The following FAR2 variants were observed in gnomAD, a reference collection of about 807,000 sequenced individuals.
The protein encoded by FAR2 is fatty acyl-CoA reductase 2, also known as epididymis secretory protein Li 81.
FAR2 carries 19 observed loss-of-function variants against 56.0 expected under a neutral mutation model. That is an observed-to-expected ratio of 0.34 (90% CI 0.24 to 0.50). The LOEUF (loss-of-function observed/expected upper bound fraction) is 0.50. Ranked by LOEUF, FAR2 falls within the 20% of genes least tolerant of loss-of-function variation. The probability of loss-of-function intolerance (pLI) is 0.98; values close to 1 mark genes in which losing one functional copy is unlikely to be tolerated. For missense variants in FAR2, 508 were observed against 642.2 expected (o/e 0.79, Z 2.26); for synonymous variants, 219 against 218.8 (o/e 1.00, Z -0.01).
chr12:29,294,504 C>T (rs1009045080), intron 3 of FAR2, among the ~76,000 whole-genome samples: 9 of 152,070 alleles, frequency 5.9e-5, no homozygotes, highest in South Asian at 2.1e-4. Context: ...CCTGCCACCA[C>T]GCTCGGCTAA....
chr12:29,159,852 A>G (rs914514128), intron 1 of FAR2, among the ~76,000 whole-genome samples: 1 of 152,190 alleles, frequency 6.6e-6, no homozygotes, highest in African/African-American at 2.4e-5. Flanking sequence ...AAAATAACCA[A>G]TGTGAAGAAG....
intron 1 of FAR2, among the ~76,000 whole-genome samples, chr12:29,207,069 G>A (rs1947484720): frequency 6.6e-6 from 1 of 152,026 alleles, no homozygotes; most frequent in Admixed American, 6.6e-5. Flanking sequence ...AAGAGAGAAG[G>A]CAGAAAAGTC....
At chr12:29,174,423 CTTTTTTTT>C (rs55827253) in intron 1 of FAR2, among the ~76,000 whole-genome samples, 8 of 55,436 alleles carry the variant, frequency 1.4e-4, no homozygotes, top group East Asian at 1.4e-3. Context: ...GGTTTTTATT[CTTTTTTTT>C]TTTTTTTTTT....
chr12:29,229,708 G>A (rs553072540), intron 1 of FAR2, among the ~76,000 whole-genome samples: 1 of 152,158 alleles, frequency 6.6e-6, no homozygotes, highest in Admixed American at 6.6e-5. Context: ...TTAAAGTCCA[G>A]TAAGAGAATA....
chr12:29,297,581 T>G (rs1949092131), intron 4 of FAR2, among the ~76,000 whole-genome samples: 1 of 152,176 alleles, frequency 6.6e-6, no homozygotes. Context: ...TTGGCATAGC[T>G]CCACCAGTAA....
chr12:29,248,188 T>C (rs1049778531), intron 1 of FAR2, among the ~76,000 whole-genome samples: 3 of 152,232 alleles, frequency 2.0e-5, no homozygotes, highest in African/African-American at 4.8e-5. Context: ...TTTGCTACTA[T>C]CATTAGAAAT....
In FAR2 at chr12:29,327,793, T is replaced by A. The variant is rs537551495; in HGVS notation, c.1258-4807T>A. On this transcript the variant is annotated intron_variant, in intron 10 of 11. Transcript: ENST00000536681. ...GACTTACACGTTAGACCTAAAACCA[T>A]AAAAACCCTAGAAGAAAACCTAGGC... Among the ~76,000 whole-genome samples, 155 of 152,178 alleles carry A rather than the reference T, an allele frequency of 1.0e-3. 3 individuals carry two copies. The highest frequency in any genetic ancestry group is 3.6e-3 in the African/African-American group (148 of 41,502).
intron 1 of FAR2, among the ~76,000 whole-genome samples, chr12:29,164,471 C>T (rs987220170): frequency 3.3e-5 from 5 of 152,214 alleles, no homozygotes; most frequent in African/African-American, 1.2e-4. Flanking sequence ...CCTAGCCCAA[C>T]TCTTGGTACC....
At position 29,293,356 on chromosome 12, in the gene FAR2, T is replaced by C. The variant is rs1447565937; in HGVS notation, c.246T>C (p.Ile82=). The change falls in exon 3 of 12, where the codon ATT becomes ATC. Residue 82 remains isoleucine, a synonymous_variant. Transcript: ENST00000536681. ...ATGTGCATGAGAAGATCAGAGCTAT[T>C]TATGCAGATCTCAATCAGAATGACT... ...CPNVHEKIRA[I]YADLNQNDFA... The C allele has an allele frequency of 2.5e-5, 41 of 1,610,402 alleles. No homozygotes were observed. Among genetic ancestry groups the C allele is most frequent in the Non-Finnish European group, 3.5e-5 (41 of 1,178,670 alleles).
At chr12:29,234,535 T>C (rs1244098224) in intron 1 of FAR2, among the ~76,000 whole-genome samples, 1 of 152,200 alleles carries the variant, frequency 6.6e-6, no homozygotes, top group Non-Finnish European at 1.5e-5. Flanking sequence ...CATAGTCTGT[T>C]ATCCAGTTCC....
Position 29,309,187 on chromosome 12 carries a change from G to A in FAR2, c.725G>A (p.Gly242Asp). 6.3e-7 allele frequency: 1 copy of A among 1,599,520 alleles called. No individual in the cohort carries two copies. Among genetic ancestry groups the A allele is most frequent in the Non-Finnish European group, 8.6e-7 (1 of 1,168,966 alleles). The change falls in exon 6 of 12, where the codon GGT becomes GAT. Residue 242 changes from glycine to aspartate, a missense_variant and splice_region_variant. Coordinates refer to ENST00000536681, the MANE Select transcript of FAR2 (RefSeq NM_001271783.2). ...VGATWQEPFP[G>D]WVDNINGPNG... ...CAATAGAAATCTTCTTTCTTTTAGG[G>A]TTGGGTTGATAATATAAATGGACCT...
chr12:29,259,822 G>C (rs1948387021), intron 1 of FAR2, among the ~76,000 whole-genome samples: 1 of 152,098 alleles, frequency 6.6e-6, no homozygotes, highest in South Asian at 2.1e-4. Flanking sequence ...TTTTCATTCA[G>C]CCATCCGATA....
chr12:29,217,837 T>C (rs1191194540), intron 1 of FAR2, among the ~76,000 whole-genome samples: 1 of 152,036 alleles, frequency 6.6e-6, no homozygotes, highest in East Asian at 1.9e-4. Flanking sequence ...AAATAGCACA[T>C]AGAGGACACA....
chr12:29,228,398 T>G (rs957725768), intron 1 of FAR2, among the ~76,000 whole-genome samples: 3 of 152,224 alleles, frequency 2.0e-5, no homozygotes, highest in African/African-American at 4.8e-5. Flanking sequence ...GATTTAAATT[T>G]TAAACAAGTT....
chr12:29,207,536 G>A (rs1359143556), intron 1 of FAR2, among the ~76,000 whole-genome samples: 3 of 152,064 alleles, frequency 2.0e-5, no homozygotes, highest in East Asian at 1.9e-4. Context: ...CCAGAATTAC[G>A]GATGCTTTCA....
At chr12:29,265,677 G>A (rs1235556179) in intron 1 of FAR2, among the ~76,000 whole-genome samples, 1 of 152,044 alleles carries the variant, frequency 6.6e-6, no homozygotes, top group African/African-American at 2.4e-5. Flanking sequence ...GGGATTACAA[G>A]TTTAAATGCT....
intron 3 of FAR2, among the ~76,000 whole-genome samples, chr12:29,296,379 T>C (rs979937688): frequency 2.6e-5 from 4 of 152,240 alleles, no homozygotes; most frequent in Non-Finnish European, 5.9e-5. Context: ...GGAAATTAAA[T>C]GTCATTTTAA....
intron 1 of FAR2, among the ~76,000 whole-genome samples, chr12:29,237,282 A>G (rs949732375): frequency 2.6e-5 from 4 of 152,174 alleles, no homozygotes; most frequent in Non-Finnish European, 5.9e-5. Context: ...AATCATTTTC[A>G]TAAAAATACC....
At chr12:29,267,443 T>A (rs574323866) in intron 1 of FAR2, among the ~76,000 whole-genome samples, 1 of 152,310 alleles carries the variant, frequency 6.6e-6, no homozygotes, top group South Asian at 2.1e-4. Context: ...CACAGAGAGA[T>A]TAGTAATTTC....
Sources: allele counts gnomAD v4.1 joint callset (sites outside exome capture counted in the v4.1 genomes callset), GRCh38; gene constraint gnomAD v4.1.1; transcripts MANE v1.5; gene names NCBI Gene and HGNC (gene_info 2026-07-23, HGNC 2026-07-21).